AKR1D1: variants seen among roughly 807,000 people sequenced by gnomAD.
The protein encoded by AKR1D1 is delta(4)-3-ketosteroid 5-beta-reductase.
In AKR1D1, 32 loss-of-function variants were observed where a neutral mutation model predicts 42.6. That is an observed-to-expected ratio of 0.75 (90% CI 0.57 to 1.01). The LOEUF (loss-of-function observed/expected upper bound fraction) is 1.01, where lower values mean the gene tolerates loss of function less well. Among genes scored for constraint, AKR1D1 ranks in the 50% least tolerant of loss-of-function variants. The probability of loss-of-function intolerance (pLI) is 0.00; values close to 1 mark genes in which losing one functional copy is unlikely to be tolerated. For synonymous variants in AKR1D1, 123 were observed against 135.5 expected, an observed-to-expected ratio of 0.91 and a Z score of 0.64; for missense variants, 364 against 402.2, an observed-to-expected ratio of 0.91 and a Z score of 0.81.
Position 138,113,681 on chromosome 7 carries a change from T to C in AKR1D1, c.856-9T>C. The C allele has an allele frequency of 6.2e-7, 1 of 1,613,170 alleles. No homozygotes were observed. The highest frequency in any genetic ancestry group is 2.2e-5 in the East Asian group (1 of 44,870). The stretch of plus-strand genomic sequence containing the variant: ...CTTCAAAAATGTTCTATTATTTCCG[T>C]TATTTCAGATCTTTGACTTTTCTCT... On this transcript the variant is annotated splice_polypyrimidine_tract_variant and intron_variant, in intron 7 of 8. Transcript: ENST00000242375.
In AKR1D1 at chr7:138,091,872, C is replaced by T. The variant is rs1281184712; in HGVS notation, c.366C>T (p.Pro122=). The T allele has an allele frequency of 6.2e-7, 1 of 1,612,626 alleles. No homozygotes were observed. The highest frequency in any genetic ancestry group is 1.7e-5 in the Admixed American group (1 of 59,998). The change falls in exon 3 of 9, where the codon CCC becomes CCT. Residue 122 remains proline (P), a synonymous_variant. Coordinates refer to ENST00000242375, the MANE Select transcript of AKR1D1 (RefSeq NM_005989.4). The stretch of plus-strand genomic sequence containing the variant: ...TGGATCTTTACATCATTGAAGTACC[C>T]ATGGCCTTTAAGGTGAGTTCAGATG... The part of the protein sequence containing the change: ...DYVDLYIIEV[P]MAFKPGDEIY...
At chr7:138,094,344 ATC>A (rs1794142925) in intron 3 of AKR1D1, among the ~76,000 whole-genome samples, 1 of 152,100 alleles carries the variant, frequency 6.6e-6, no homozygotes, top group African/African-American at 2.4e-5. Flanking sequence ...GCAAAACCCC[ATC>A]TCTACAAAAA....
intron 1 of AKR1D1, 126 bp from the exon 2 acceptor site, chr7:138,088,475 C>A: frequency 8.5e-7 from 1 of 1,171,138 alleles, no homozygotes; most frequent in Non-Finnish European, 1.2e-6. Flanking sequence ...CCAATCACAA[C>A]AGCAAGGAAT....
chr7:138,086,320 C>G (rs542331786), intron 1 of AKR1D1, among the ~76,000 whole-genome samples: 2 of 152,326 alleles, frequency 1.3e-5, no homozygotes, highest in South Asian at 4.1e-4. Context: ...GGTTGTCACA[C>G]TTGTCATTCA....
At position 138,091,753 on chromosome 7, in the gene AKR1D1, C is replaced by T. The variant is rs764896699; in HGVS notation, c.262-15C>T. ...GTGTAGACATTAGTTAATTCTCCCT[C>T]TTTGATTCTTTCAGCTATGGGCTAC... On this transcript the variant is annotated splice_polypyrimidine_tract_variant and intron_variant, in intron 2 of 8. Transcript: ENST00000242375. 9 of 1,577,140 alleles carry T rather than the reference C, an allele frequency of 5.7e-6. No homozygotes were observed. The Admixed American group carries it at 1.2e-4, about 20-fold the overall frequency.
intron 7 of AKR1D1, among the ~76,000 whole-genome samples, chr7:138,111,374 A>C (rs1794533849): frequency 6.6e-6 from 1 of 152,138 alleles, no homozygotes; most frequent in Non-Finnish European, 1.5e-5. Context: ...TCTTGAAGCC[A>C]TTCAAACCAA....
At chr7:138,080,301 C>T (rs1158807233) in intron 1 of AKR1D1, among the ~76,000 whole-genome samples, 1 of 152,132 alleles carries the variant, frequency 6.6e-6, no homozygotes, top group Non-Finnish European at 1.5e-5. Flanking sequence ...AACTCCTGAA[C>T]TCAAGCAACT....
At chr7:138,106,024 GA>G (rs1271864854) in intron 5 of AKR1D1, among the ~76,000 whole-genome samples, 14 of 151,590 alleles carry the variant, frequency 9.2e-5, no homozygotes, top group Admixed American at 2.0e-4. Flanking sequence ...TGGTACACAT[GA>G]AAAAAAACTC....
At chr7:138,109,451 T>C (rs1794495582) in intron 7 of AKR1D1, among the ~76,000 whole-genome samples, 1 of 152,198 alleles carries the variant, frequency 6.6e-6, no homozygotes. Context: ...AGAGTGAAGA[T>C]GATCAGAAAC....
At chr7:138,111,349 C>T (rs1247602466) in intron 7 of AKR1D1, among the ~76,000 whole-genome samples, 2 of 152,166 alleles carry the variant, frequency 1.3e-5, no homozygotes, top group Admixed American at 1.3e-4. Flanking sequence ...CTTCCCATTC[C>T]CTTCCCCCAC....
At chr7:138,108,775 T>C (rs1794481503) in intron 7 of AKR1D1, among the ~76,000 whole-genome samples, 2 of 152,230 alleles carry the variant, frequency 1.3e-5, no homozygotes, top group Admixed American at 1.3e-4. Context: ...TAGTGTATTC[T>C]TGAAAAACAT....
chr7:138,079,240 A>G (rs1318267544), intron 1 of AKR1D1, among the ~76,000 whole-genome samples: 1 of 152,132 alleles, frequency 6.6e-6, no homozygotes, highest in Non-Finnish European at 1.5e-5. Flanking sequence ...TATACCAAGT[A>G]ATTTTTTCAG....
At chr7:138,086,085 C>T (rs1803170362) in intron 1 of AKR1D1, among the ~76,000 whole-genome samples, 1 of 152,076 alleles carries the variant, frequency 6.6e-6, no homozygotes, top group Non-Finnish European at 1.5e-5. Context: ...CGCCTGTAGT[C>T]CCACTTACTC....
At chr7:138,087,702 C>T (rs1295121045) in intron 1 of AKR1D1, among the ~76,000 whole-genome samples, 1 of 152,158 alleles carries the variant, frequency 6.6e-6, no homozygotes, top group African/African-American at 2.4e-5. Context: ...TCCACCCATA[C>T]TTCCCCCAAC....
chr7:138,115,033 G>A (rs924315222), intron 8 of AKR1D1, among the ~76,000 whole-genome samples: 3 of 152,094 alleles, frequency 2.0e-5, no homozygotes, highest in Non-Finnish European at 2.9e-5. Flanking sequence ...CCAACCTCAA[G>A]AACAAAAGAG....
chr7:138,089,032 T>C (rs1244175359), intron 2 of AKR1D1, among the ~76,000 whole-genome samples: 2 of 152,000 alleles, frequency 1.3e-5, no homozygotes, highest in Non-Finnish European at 2.9e-5. Context: ...CAGAGTAGCA[T>C]TTAGGGGAGA....
At chr7:138,097,338 A>G (rs1794203667) in intron 3 of AKR1D1, among the ~76,000 whole-genome samples, 1 of 152,230 alleles carries the variant, frequency 6.6e-6, no homozygotes, top group Non-Finnish European at 1.5e-5. Flanking sequence ...AGTACTGTTA[A>G]GGGAGTGGGG....
At chr7:138,106,849 GA>G in intron 6 of AKR1D1, 132 bp downstream of exon 6, 1 of 740,264 alleles carries the variant, frequency 1.4e-6, no homozygotes, top group East Asian at 2.7e-5. Flanking sequence ...ATATGAATTA[GA>G]ACTTTTCATA....
At chr7:138,080,724 T>C (rs1803036142) in intron 1 of AKR1D1, among the ~76,000 whole-genome samples, 1 of 152,216 alleles carries the variant, frequency 6.6e-6, no homozygotes, top group Non-Finnish European at 1.5e-5. Context: ...TTGATAACAG[T>C]GCCCACTTCA....
Sources: allele counts gnomAD v4.1 joint callset (sites outside exome capture counted in the v4.1 genomes callset), GRCh38; gene constraint gnomAD v4.1.1; transcripts MANE v1.5; gene names NCBI Gene and HGNC (gene_info 2026-07-23, HGNC 2026-07-21).